TMEM131: variants seen among roughly 807,000 people sequenced by gnomAD.
The protein encoded by TMEM131 is transmembrane protein 131, also known as 2610524E03Rik.
In TMEM131, 66 loss-of-function variants were observed where a neutral mutation model predicts 211.6. That is an observed-to-expected ratio of 0.31 (90% CI 0.26 to 0.38). TMEM131 has a LOEUF of 0.38. Among genes scored for constraint, TMEM131 ranks in the 10% least tolerant of loss-of-function variants. TMEM131 has a pLI of 1.00. For synonymous variants in TMEM131, 844 were observed against 841.3 expected, an observed-to-expected ratio of 1.00 and a Z score of -0.06; for missense variants, 2,036 against 2,299.3, an observed-to-expected ratio of 0.89 and a Z score of 2.34.
At chr2:97,903,541 A>G (rs1675944509) in intron 3 of TMEM131, among the ~76,000 whole-genome samples, 1 of 152,224 alleles carries the variant, frequency 6.6e-6, no homozygotes, top group South Asian at 2.1e-4. Context: ...ATGAATTATA[A>G]GAGAAAAATG....
intron 1 of TMEM131, among the ~76,000 whole-genome samples, chr2:97,928,784 C>A (rs1270019114): frequency 6.6e-6 from 1 of 151,688 alleles, no homozygotes; most frequent in Non-Finnish European, 1.5e-5. Flanking sequence ...TACTGGGAGC[C>A]AGGTGTCTCA....
At chr2:97,860,160 T>C (rs146174786) in intron 4 of TMEM131, among the ~76,000 whole-genome samples, 1 of 152,368 alleles carries the variant, frequency 6.6e-6, no homozygotes, top group East Asian at 1.9e-4. Context: ...TCCTAACTTC[T>C]ATAGCTTCCT....
At chr2:97,776,577 T>G (rs1027923399) in intron 31 of TMEM131, among the ~76,000 whole-genome samples, 2 of 152,244 alleles carry the variant, frequency 1.3e-5, no homozygotes, top group African/African-American at 4.8e-5. Context: ...TACAGTTCAG[T>G]GAGTTTGGAC....
At chr2:97,772,463 T>C (rs1297783398) in intron 32 of TMEM131, 39 bp from the exon 33 acceptor site, 2 of 1,587,394 alleles carry the variant, frequency 1.3e-6, no homozygotes, top group Admixed American at 1.9e-5. Flanking sequence ...GAAGGATTAA[T>C]AAAATGACTG....
chr2:97,861,260 T>C (rs528462077), intron 4 of TMEM131, among the ~76,000 whole-genome samples: 2 of 152,004 alleles, frequency 1.3e-5, no homozygotes, highest in East Asian at 2.0e-4. Flanking sequence ...GCCAGTAGAC[T>C]TGGGGGGCAT....
chr2:97,797,165 C>T (rs922163531), intron 26 of TMEM131, among the ~76,000 whole-genome samples, 179 bp from the exon 27 acceptor site: 1 of 152,168 alleles, frequency 6.6e-6, no homozygotes, highest in South Asian at 2.1e-4. Context: ...TTAAGAGACA[C>T]ACATTAAGAC....
chr2:97,980,025 A>T (rs1400731632), intron 1 of TMEM131, among the ~76,000 whole-genome samples: 1 of 152,208 alleles, frequency 6.6e-6, no homozygotes, highest in African/African-American at 2.4e-5. Flanking sequence ...AGAAAACGAC[A>T]GCCTGAGGAG....
rs778909628 is a variant in TMEM131, at chr2:97,757,362, C to T, written c.5389G>A (p.Gly1797Ser). The change falls in exon 41 of 41, where the codon GGC becomes AGC. Residue 1797 changes from glycine (G) to serine (S), a missense_variant. This residue lies in a region of TMEM131 where 1,623 missense variants were observed against 1,805.9 expected (regional missense o/e 0.90). Transcript: ENST00000186436. ...CTGAATGGAGTGGTGGACCACAGGCCGCTGGTGTTACCGAGGACCGACTGC... is the reference window on the plus strand; with the variant it reads ...CTGAATGGAGTGGTGGACCACAGGCTGCTGGTGTTACCGAGGACCGACTGC... ...TATSVLGNTS[G>S]LWSTTPFSSS... 1.4e-5 allele frequency: 22 copies of T among 1,607,344 alleles called. No homozygotes were observed. Among genetic ancestry groups the T allele is most frequent in the Admixed American group, 1.3e-4 (8 of 59,588 alleles).
intron 4 of TMEM131, among the ~76,000 whole-genome samples, chr2:97,883,959 C>T: frequency 6.6e-6 from 1 of 152,190 alleles, no homozygotes; most frequent in Non-Finnish European, 1.5e-5. Flanking sequence ...TTTCCTTCCA[C>T]TAATTTTGAG....
intron 4 of TMEM131, among the ~76,000 whole-genome samples, chr2:97,886,509 G>C (rs1195006016): frequency 6.6e-6 from 1 of 152,198 alleles, no homozygotes; most frequent in Non-Finnish European, 1.5e-5. Context: ...GCACTGTAGT[G>C]TAGTCTCTGG....
chr2:97,938,169 CATATA>C (rs1677536032), intron 1 of TMEM131, among the ~76,000 whole-genome samples: 2 of 152,156 alleles, frequency 1.3e-5, no homozygotes, highest in Non-Finnish European at 2.9e-5. Flanking sequence ...ATCAAATTCA[CATATA>C]ACAATATTAA....
intron 1 of TMEM131, among the ~76,000 whole-genome samples, chr2:97,932,149 A>G (rs1677250601): frequency 6.6e-6 from 1 of 152,130 alleles, no homozygotes; most frequent in African/African-American, 2.4e-5. Context: ...CTTAAAAAAA[A>G]AAAAAAAAAA....
intron 4 of TMEM131, among the ~76,000 whole-genome samples, chr2:97,871,092 C>T (rs1381248344): frequency 2.0e-5 from 3 of 152,084 alleles, no homozygotes; most frequent in Admixed American, 2.0e-4. Flanking sequence ...CATGAAGTAC[C>T]TACTTTAACC....
intron 1 of TMEM131, among the ~76,000 whole-genome samples, chr2:97,938,139 G>C (rs1559460481): frequency 6.6e-6 from 1 of 152,118 alleles, no homozygotes; most frequent in Non-Finnish European, 1.5e-5. Context: ...AAAATAACCA[G>C]CTAACATCAT....
In TMEM131 at chr2:97,805,225, T is replaced by A; in HGVS notation, c.2285-20A>T. On this transcript the variant is annotated intron_variant, in intron 21 of 40. Transcript: ENST00000186436. ...GTTCAGCTAAAACAAGGAAACATAC[T>A]TAACCTGCATCTATACTCACTTGTC... 1.0e-5 allele frequency: 16 copies of A among 1,602,008 alleles called. No individual in the cohort carries two copies. The highest frequency in any genetic ancestry group is 1.3e-5 in the Non-Finnish European group (15 of 1,172,058).
Position 97,762,176 on chromosome 2 carries a change from G to T in TMEM131, c.4748C>A (p.Ser1583Tyr). 1 of 1,614,016 alleles carries T rather than the reference G, an allele frequency of 6.2e-7. No individual in the cohort carries two copies. Among genetic ancestry groups the T allele is most frequent in the Middle Eastern group, 1.6e-4 (1 of 6,062 alleles). The change falls in exon 36 of 41, where the codon TCT becomes TAT. Residue 1583 changes from serine (S) to tyrosine (Y), a missense_variant. By Grantham distance (144) the Ser-to-Tyr change is moderately radical. Around this residue, in one of 3 missense-constraint regions of TMEM131, gnomAD observed 1,623 missense variants for 1,805.9 expected, o/e 0.90. Coordinates refer to ENST00000186436, the MANE Select transcript of TMEM131 (RefSeq NM_015348.2). ...GSSTDSLYKLSLQTLNADIFL... is the reference protein window; with the variant it reads ...GSSTDSLYKLYLQTLNADIFL... ...AATGTCTGCGTTGAGGGTTTGCAGA[G>T]AAAGTTTATAAAGACTATCAGTAGC... is the stretch of plus-strand genomic sequence containing the variant.
At chr2:97,830,015 A>AT (rs1440061100) in intron 11 of TMEM131, among the ~76,000 whole-genome samples, 2 of 152,104 alleles carry the variant, frequency 1.3e-5, no homozygotes, top group African/African-American at 4.8e-5. Context: ...TCCTTACCAG[A>AT]TAAAAACTTT....
Position 97,995,522 on chromosome 2 carries a change from G to A in TMEM131, c.141C>T (p.His47=), listed in dbSNP as rs1208971696. The A allele has an allele frequency of 9.3e-6, 13 of 1,398,224 alleles. No individual in the cohort carries two copies. The highest frequency in any genetic ancestry group is 1.0e-5 in the Non-Finnish European group (11 of 1,070,118). The allele number at this position is 1,398,224 out of a possible 1,614,324, so 86.6% of individuals were successfully genotyped here. The change falls in exon 1 of 41, where the codon CAC becomes CAT. Residue 47 remains histidine (H), a synonymous_variant. Transcript: ENST00000186436. ...CAGCCACTACGAGGGTCATCACCAGGTGCAGCGCGCCTAGGAGGCCGGCGG... is the reference window on the plus strand; with the variant it reads ...CAGCCACTACGAGGGTCATCACCAGATGCAGCGCGCCTAGGAGGCCGGCGG... The part of the protein sequence containing the change: ...SAAAGLLGAL[H]LVMTLVVAAA...
At chr2:97,875,191 T>C (rs1195316893) in intron 4 of TMEM131, among the ~76,000 whole-genome samples, 1 of 152,174 alleles carries the variant, frequency 6.6e-6, no homozygotes, top group Non-Finnish European at 1.5e-5. Context: ...ATGCACCCAA[T>C]ACAGAAGCAC....
Sources: allele counts gnomAD v4.1 joint callset (sites outside exome capture counted in the v4.1 genomes callset), GRCh38; gene constraint gnomAD v4.1.1; regional missense constraint gnomAD v4.1.1; transcripts MANE v1.5; gene names NCBI Gene and HGNC (gene_info 2026-07-23, HGNC 2026-07-21).